Variants in GNAQ observed in about 807,000 individuals in gnomAD.
GNAQ encodes the protein guanine nucleotide-binding protein G(q) subunit alpha.
A neutral mutation model predicts 43.9 loss-of-function variants in GNAQ; 8 were observed. The ratio of observed to expected loss-of-function variants is 0.18; its 90% CI spans 0.11 to 0.33. The LOEUF (loss-of-function observed/expected upper bound fraction) is 0.33, where lower values mean the gene tolerates loss of function less well. Among genes scored for constraint, GNAQ ranks in the 10% least tolerant of loss-of-function variants. GNAQ has a pLI of 1.00. For missense variants in GNAQ, 158 were observed against 450.8 expected (o/e 0.35, Z 5.88); for synonymous variants, 155 against 170.7 (o/e 0.91, Z 0.71).
At position 77,728,671 on chromosome 9, in the gene GNAQ, G is replaced by GAA. The variant is rs5898555; in HGVS notation, c.736-6_736-5dup. 57,040 of 1,298,720 alleles carry GAA rather than the reference G, an allele frequency of 0.044. No individual in the cohort carries two copies. The highest frequency in any genetic ancestry group is 0.05 in the Non-Finnish European group (47,036 of 943,842). 80.4% of individuals were successfully genotyped at this position (1,298,720 alleles called of 1,614,324 possible). On this transcript the variant is annotated splice_polypyrimidine_tract_variant and splice_region_variant and intron_variant, in intron 5 of 6. Coordinates refer to ENST00000286548, the MANE Select transcript of GNAQ (RefSeq NM_002072.5). Reference sequence around the variant, plus strand: ...CCTTGCTTTCCTCCATTCGGTTCTGGAAAAAAAAAAAAAATCAGAAAAAAC... The same window carrying GAA: ...CCTTGCTTTCCTCCATTCGGTTCTGGAAAAAAAAAAAAAAAATCAGAAAAAAC...
At chr9:77,997,554 C>T (rs1324349200) in intron 1 of GNAQ, among the ~76,000 whole-genome samples, 1 of 152,126 alleles carries the variant, frequency 6.6e-6, no homozygotes, top group Admixed American at 6.5e-5. Flanking sequence ...GTACAGGTGC[C>T]GGTAAGTCAG....
chr9:77,995,562 C>A (rs1823558325), intron 1 of GNAQ, among the ~76,000 whole-genome samples: 1 of 152,082 alleles, frequency 6.6e-6, no homozygotes. Context: ...GGGATCATAG[C>A]TCACTGCAGC....
intron 2 of GNAQ, among the ~76,000 whole-genome samples, chr9:77,918,821 T>C (rs1390783326): frequency 2.0e-5 from 3 of 152,238 alleles, no homozygotes; most frequent in Non-Finnish European, 4.4e-5. Flanking sequence ...ATAGCATTTA[T>C]TCCCTTATGC....
rs118189735 is a variant in GNAQ at position 77,772,307 on chromosome 9, A to G, written c.735+22156T>C. Among the ~76,000 whole-genome samples the G allele has an allele frequency of 4.7e-3, 711 of 152,292 alleles. 6 individuals carry two copies. Among genetic ancestry groups the G allele is most frequent in the South Asian group, 9.3e-3 (45 of 4,830 alleles). On this transcript the variant is annotated intron_variant, in intron 5 of 6. Transcript: ENST00000286548. ...AAGATGCTGCTCATGACCCCATCAT[A>G]TGGAATTCACTGCCCAATAATGGTC...
chr9:77,971,759 A>G (rs1321975662), intron 1 of GNAQ, among the ~76,000 whole-genome samples: 1 of 152,218 alleles, frequency 6.6e-6, no homozygotes, highest in Non-Finnish European at 1.5e-5. Context: ...TATTCAATAT[A>G]GTATTGGAAG....
At chr9:77,792,865 A>C (rs1056551783) in intron 5 of GNAQ, among the ~76,000 whole-genome samples, 2 of 152,134 alleles carry the variant, frequency 1.3e-5, no homozygotes, top group African/African-American at 4.8e-5. Flanking sequence ...GACAACCTAC[A>C]TAACAAAGGC....
chr9:77,912,089 T>C (rs541102598), intron 2 of GNAQ, among the ~76,000 whole-genome samples: 1 of 152,294 alleles, frequency 6.6e-6, no homozygotes, highest in African/African-American at 2.4e-5. Flanking sequence ...TAAATTCAGC[T>C]CTTGTGCAAT....
chr9:77,889,264 C>G (rs868830202), intron 2 of GNAQ, among the ~76,000 whole-genome samples: 1 of 150,966 alleles, frequency 6.6e-6, no homozygotes, highest in African/African-American at 2.4e-5. Flanking sequence ...AAAAATTAGC[C>G]GGGTGTGGTG....
intron 1 of GNAQ, among the ~76,000 whole-genome samples, chr9:77,965,273 C>T (rs1378378278): frequency 1.3e-5 from 2 of 151,984 alleles, no homozygotes; most frequent in Non-Finnish European, 2.9e-5. Flanking sequence ...TCAACCCTGT[C>T]CCCTCACCCT....
intron 1 of GNAQ, among the ~76,000 whole-genome samples, chr9:77,959,747 A>G (rs986908008): frequency 1.3e-5 from 2 of 152,140 alleles, no homozygotes; most frequent in African/African-American, 4.8e-5. Flanking sequence ...TACTCAAAGT[A>G]TAAAAAAAAT....
intron 5 of GNAQ, among the ~76,000 whole-genome samples, chr9:77,771,823 T>C (rs1257493036): frequency 6.6e-6 from 1 of 152,170 alleles, no homozygotes; most frequent in Non-Finnish European, 1.5e-5. Flanking sequence ...TGGCTATGGT[T>C]GTTTCTGAAA....
chr9:77,942,392 A>G (rs1829328533), intron 1 of GNAQ, among the ~76,000 whole-genome samples: 1 of 152,218 alleles, frequency 6.6e-6, no homozygotes, highest in South Asian at 2.1e-4. Flanking sequence ...CCATTAGCAG[A>G]ACATGTTTTG....
intron 2 of GNAQ, among the ~76,000 whole-genome samples, chr9:77,823,190 C>T (rs1354263278): frequency 7.9e-5 from 12 of 152,152 alleles, no homozygotes; most frequent in Admixed American, 3.9e-4. Context: ...CTGCCCATCT[C>T]AGCCTCCCAA....
At chr9:77,851,116 A>G (rs958554762) in intron 2 of GNAQ, among the ~76,000 whole-genome samples, 9 of 152,218 alleles carry the variant, frequency 5.9e-5, no homozygotes, top group Admixed American at 5.9e-4. Context: ...GTGTTTATGA[A>G]TTGACACTTA....
chr9:77,895,299 C>A (rs1445500361), intron 2 of GNAQ, among the ~76,000 whole-genome samples: 4 of 152,042 alleles, frequency 2.6e-5, no homozygotes, highest in Non-Finnish European at 5.9e-5. Context: ...CACCCTGTGA[C>A]TTAGCTATTT....
intron 1 of GNAQ, among the ~76,000 whole-genome samples, chr9:78,026,336 A>T (rs1455497922): frequency 2.0e-5 from 3 of 152,218 alleles, no homozygotes; most frequent in Admixed American, 6.5e-5. Flanking sequence ...TTTGTTATAC[A>T]GTCAGAGCCA....
intron 5 of GNAQ, among the ~76,000 whole-genome samples, chr9:77,751,336 G>A (rs1825807269): frequency 6.6e-6 from 1 of 152,170 alleles, no homozygotes; most frequent in African/African-American, 2.4e-5. Flanking sequence ...AAATATCCTA[G>A]AATGGGTTGG....
chr9:77,760,255 G>C (rs112882796), intron 5 of GNAQ, among the ~76,000 whole-genome samples: 10,473 of 122,118 alleles, frequency 0.086, 825 homozygotes, highest in East Asian at 0.3. Flanking sequence ...CTCTGATGCC[G>C]AGCCGAAGCT....
In GNAQ at chr9:77,811,514, G is replaced by A. The variant is rs145748482; in HGVS notation, c.476+4102C>T. On this transcript the variant is annotated intron_variant, in intron 3 of 6. Coordinates refer to ENST00000286548, the MANE Select transcript of GNAQ (RefSeq NM_002072.5). ...TTGTGAACATGATTTTTAGTACTGG[G>A]AAATCAGCGATGTTTAACATATGGG... Among the ~76,000 whole-genome samples the A allele has an allele frequency of 2.6e-5, 4 of 152,218 alleles. No individual in the cohort carries two copies. The East Asian group carries it at 7.7e-4, about 29-fold the overall frequency.
Sources: allele counts gnomAD v4.1 joint callset (sites outside exome capture counted in the v4.1 genomes callset), GRCh38; gene constraint gnomAD v4.1.1; transcripts MANE v1.5; gene names NCBI Gene and HGNC (gene_info 2026-07-23, HGNC 2026-07-21).